Variants in GLRA3 observed in about 807,000 individuals in gnomAD.
GLRA3 encodes glycine receptor subunit alpha-3.
GLRA3 carries 44 observed loss-of-function variants against 60.4 expected under a neutral mutation model. That is an observed-to-expected ratio of 0.73 (90% CI 0.57 to 0.94). The LOEUF is 0.94. GLRA3 is among the 40% of genes least tolerant of loss of function. The pLI, the probability that GLRA3 is intolerant of heterozygous loss-of-function variation, is 0.00. For synonymous variants in GLRA3, 223 were observed against 192.9 expected, an observed-to-expected ratio of 1.16 and a Z score of -1.29; for missense variants, 508 against 564.6, an observed-to-expected ratio of 0.90 and a Z score of 1.02.
intron 3 of GLRA3, among the ~76,000 whole-genome samples, chr4:174,735,062 G>A (rs541471499): frequency 1.3e-5 from 2 of 152,250 alleles, no homozygotes; most frequent in African/African-American, 2.4e-5. Context: ...GCACAGCTGT[G>A]CTCCACAAGC....
intron 2 of GLRA3, among the ~76,000 whole-genome samples, chr4:174,772,569 G>T (rs1738434565): frequency 6.6e-6 from 1 of 152,090 alleles, no homozygotes; most frequent in Non-Finnish European, 1.5e-5. Context: ...TACTTGAAAG[G>T]CAGATAGATA....
At chr4:174,755,639 A>C (rs932520980) in intron 3 of GLRA3, among the ~76,000 whole-genome samples, 2 of 152,100 alleles carry the variant, frequency 1.3e-5, no homozygotes, top group African/African-American at 4.8e-5. Flanking sequence ...TAAGTTATTT[A>C]CCAGAGGCAA....
intron 5 of GLRA3, among the ~76,000 whole-genome samples, chr4:174,712,953 A>G (rs4447833): frequency 0.18 from 26,542 of 151,076 alleles, 2,534 homozygotes; most frequent in East Asian, 0.33. Flanking sequence ...AAATGTAGGC[A>G]TTTCTTAATA....
At chr4:174,719,119 T>G (rs908560724) in intron 4 of GLRA3, among the ~76,000 whole-genome samples, 1 of 151,468 alleles carries the variant, frequency 6.6e-6, no homozygotes, top group African/African-American at 2.4e-5. Context: ...GCCCGCCACC[T>G]CGCCCGGCTA....
chr4:174,784,962 ATAATGT>A (rs1193494557), intron 2 of GLRA3, among the ~76,000 whole-genome samples: 7 of 152,266 alleles, frequency 4.6e-5, no homozygotes, highest in East Asian at 1.9e-4. Context: ...AAAAGGAAAG[ATAATGT>A]TAATGAGTTA....
At chr4:174,679,055 A>G (rs1734235798) in intron 6 of GLRA3, among the ~76,000 whole-genome samples, 1 of 152,084 alleles carries the variant, frequency 6.6e-6, no homozygotes, top group Non-Finnish European at 1.5e-5. Context: ...GAAAAATGCA[A>G]ATCAAAACCA....
intron 5 of GLRA3, among the ~76,000 whole-genome samples, chr4:174,687,325 G>A (rs531410888): frequency 1.3e-5 from 2 of 152,208 alleles, no homozygotes; most frequent in Admixed American, 6.5e-5. Flanking sequence ...ATTAATTTTA[G>A]TAAATTTGGA....
intron 2 of GLRA3, among the ~76,000 whole-genome samples, chr4:174,784,810 A>G (rs1739054746): frequency 6.6e-6 from 1 of 152,174 alleles, no homozygotes; most frequent in South Asian, 2.1e-4. Context: ...GGACTAAGAT[A>G]TAATAGAAAT....
intron 1 of GLRA3, among the ~76,000 whole-genome samples, chr4:174,793,917 ATCTT>A (rs1259949033): frequency 6.6e-6 from 1 of 152,114 alleles, no homozygotes; most frequent in African/African-American, 2.4e-5. Context: ...TTAAGATTAA[ATCTT>A]AATTAATTTT....
At chr4:174,706,680 T>C (rs1033406823) in intron 5 of GLRA3, among the ~76,000 whole-genome samples, 1 of 152,198 alleles carries the variant, frequency 6.6e-6, no homozygotes, top group Non-Finnish European at 1.5e-5. Context: ...ACTTTTTATC[T>C]GTATCTTTTC....
intron 1 of GLRA3, among the ~76,000 whole-genome samples, chr4:174,801,205 A>G (rs938676000): frequency 4.0e-5 from 6 of 151,880 alleles, no homozygotes; most frequent in Non-Finnish European, 8.8e-5. Flanking sequence ...CTCTTTCACC[A>G]CTCCATCAGT....
At chr4:174,769,637 A>G (rs1738302791) in intron 2 of GLRA3, among the ~76,000 whole-genome samples, 1 of 151,964 alleles carries the variant, frequency 6.6e-6, no homozygotes, top group Non-Finnish European at 1.5e-5. Context: ...TGACCTCCCA[A>G]TCATGCTAGG....
In GLRA3 at chr4:174,749,769, T is replaced by C. The variant is rs1022305315; in HGVS notation, c.267+17194A>G. ...GTGTATCTTATCTCTTGTACCTTCA[T>C]GGATGAAGATGGTAGGGCTGAAAAC... On this transcript the variant is annotated intron_variant, in intron 3 of 9. Coordinates refer to ENST00000274093, the MANE Select transcript of GLRA3 (RefSeq NM_006529.4). Among the ~76,000 whole-genome samples, 3 of 152,120 alleles carry C rather than the reference T, an allele frequency of 2.0e-5. No homozygotes were observed. In the East Asian group the frequency reaches 5.8e-4, roughly 29 times the overall value.
chr4:174,656,983 A>C (rs1458325450), intron 8 of GLRA3, among the ~76,000 whole-genome samples, 196 bp from the exon 9 acceptor site: 2 of 152,162 alleles, frequency 1.3e-5, no homozygotes, highest in African/African-American at 2.4e-5. Context: ...TTTTTTCTTC[A>C]TTAAATCATA....
At position 174,643,725 on chromosome 4, in the gene GLRA3, C is replaced by T. The variant is rs998455913; in HGVS notation, c.*61G>A. 9 of 1,568,772 alleles carry T rather than the reference C, an allele frequency of 5.7e-6. No individual in the cohort carries two copies. The highest frequency in any genetic ancestry group is 7.8e-6 in the Non-Finnish European group (9 of 1,157,668). On this transcript the variant is annotated 3_prime_UTR_variant, in exon 10 of 10. Coordinates refer to ENST00000274093, the MANE Select transcript of GLRA3 (RefSeq NM_006529.4). ...CCACACGCACACATATACACATACACACCTATGGCAGAGACACTTTCTTCT... is the reference window on the plus strand; with the variant it reads ...CCACACGCACACATATACACATACATACCTATGGCAGAGACACTTTCTTCT...
At chr4:174,827,843 G>T (rs1030788061) in intron 1 of GLRA3, among the ~76,000 whole-genome samples, 3 of 151,900 alleles carry the variant, frequency 2.0e-5, no homozygotes, top group African/African-American at 7.2e-5. Flanking sequence ...ATATAACTTA[G>T]TTACTCTAGT....
At chr4:174,733,460 T>C (rs968249071) in intron 3 of GLRA3, among the ~76,000 whole-genome samples, 3 of 152,278 alleles carry the variant, frequency 2.0e-5, no homozygotes, top group South Asian at 2.1e-4. Flanking sequence ...ATTTCAAAGA[T>C]AGCAAAGGGC....
Position 174,709,074 on chromosome 4 carries a change from A to T in GLRA3, c.574+6414T>A, listed in dbSNP as rs10213132. ...ATTGCATTTATGTAAAAATGTATTT[A>T]TAAATTGTGATATAAATGAAAACGT... On this transcript the variant is annotated intron_variant, in intron 5 of 9. Coordinates refer to ENST00000274093, the MANE Select transcript of GLRA3 (RefSeq NM_006529.4). Among the ~76,000 whole-genome samples, 1,239 of 152,164 alleles carry T rather than the reference A, an allele frequency of 8.1e-3. 18 individuals are homozygous for T. The highest frequency in any genetic ancestry group is 0.028 in the African/African-American group (1,155 of 41,562).
chr4:174,713,346 T>C (rs1735793250), intron 5 of GLRA3, among the ~76,000 whole-genome samples: 1 of 152,078 alleles, frequency 6.6e-6, no homozygotes, highest in Admixed American at 6.5e-5. Flanking sequence ...TCCTGCAAAA[T>C]AGCCCCAGTA....
Sources: allele counts gnomAD v4.1 joint callset (sites outside exome capture counted in the v4.1 genomes callset), GRCh38; gene constraint gnomAD v4.1.1; transcripts MANE v1.5; gene names NCBI Gene and HGNC (gene_info 2026-07-23, HGNC 2026-07-21).